LRRTM4: variants seen among roughly 807,000 people sequenced by gnomAD.
LRRTM4 encodes leucine-rich repeat transmembrane neuronal protein 4.
LRRTM4 carries 25 observed loss-of-function variants against 47.6 expected under a neutral mutation model. The observed-to-expected ratio is 0.53, with a 90% CI of 0.38 to 0.73. LRRTM4 has a LOEUF of 0.73. Among genes scored for constraint, LRRTM4 ranks in the 30% least tolerant of loss-of-function variants. The pLI is 0.00. For synonymous variants in LRRTM4, 311 were observed against 269.5 expected, an observed-to-expected ratio of 1.15 and a Z score of -1.51; for missense variants, 638 against 713.4, an observed-to-expected ratio of 0.89 and a Z score of 1.20.
chr2:77,040,855 A>G (rs1321192286), intron 3 of LRRTM4, among the ~76,000 whole-genome samples: 1 of 151,532 alleles, frequency 6.6e-6, no homozygotes, highest in Admixed American at 6.6e-5. Flanking sequence ...TTGTTTTAAT[A>G]TATGTATACA....
intron 3 of LRRTM4, among the ~76,000 whole-genome samples, chr2:77,436,361 T>C (rs1048913535): frequency 1.3e-5 from 2 of 152,066 alleles, no homozygotes; most frequent in African/African-American, 2.4e-5. Context: ...TCATCTGTCT[T>C]TGAATAGCAA....
chr2:76,974,652 T>C (rs72823132), intron 3 of LRRTM4, among the ~76,000 whole-genome samples: 2,924 of 151,758 alleles, frequency 0.019, 74 homozygotes, highest in East Asian at 0.083. Context: ...ACAAAGGATA[T>C]ATTTTTCAGT....
At chr2:77,388,893 A>T (rs972922202) in intron 3 of LRRTM4, among the ~76,000 whole-genome samples, 3 of 152,082 alleles carry the variant, frequency 2.0e-5, no homozygotes, top group African/African-American at 7.2e-5. Context: ...TTCATATATA[A>T]TGCAAGTATT....
At chr2:77,065,317 G>C (rs1393874799) in intron 3 of LRRTM4, among the ~76,000 whole-genome samples, 3 of 152,052 alleles carry the variant, frequency 2.0e-5, no homozygotes, top group African/African-American at 7.2e-5. Context: ...AAGTTATAAA[G>C]ATAAACATAC....
chr2:77,238,715 C>T (rs1407745079), intron 3 of LRRTM4, among the ~76,000 whole-genome samples: 1 of 151,948 alleles, frequency 6.6e-6, no homozygotes, highest in Non-Finnish European at 1.5e-5. Context: ...CAGAAAAACA[C>T]ATATACAGAC....
chr2:76,821,646 T>C (rs774285823), intron 3 of LRRTM4, among the ~76,000 whole-genome samples: 1 of 151,724 alleles, frequency 6.6e-6, no homozygotes, highest in South Asian at 2.1e-4. Context: ...GCATGGAGCA[T>C]TTCCTTTGAC....
chr2:76,986,634 A>G (rs1676808665), intron 3 of LRRTM4, among the ~76,000 whole-genome samples: 1 of 151,956 alleles, frequency 6.6e-6, no homozygotes, highest in Non-Finnish European at 1.5e-5. Context: ...GCCCAGAACT[A>G]ACTGGCACAG....
At chr2:76,934,577 T>C (rs565347774) in intron 3 of LRRTM4, among the ~76,000 whole-genome samples, 28 of 152,132 alleles carry the variant, frequency 1.8e-4, no homozygotes, top group Non-Finnish European at 4.1e-4. Context: ...TCTATAGCAG[T>C]TGTCAATTTG....
chr2:77,033,216 T>G (rs528995971), intron 3 of LRRTM4, among the ~76,000 whole-genome samples: 5 of 152,106 alleles, frequency 3.3e-5, no homozygotes, highest in African/African-American at 1.2e-4. Context: ...AAAACTCATA[T>G]TTTCTAAACA....
intron 3 of LRRTM4, among the ~76,000 whole-genome samples, chr2:77,007,705 A>AT (rs764203873): frequency 1.6e-4 from 25 of 152,294 alleles, no homozygotes; most frequent in African/African-American, 2.9e-4. Flanking sequence ...AAAGGAAGGT[A>AT]TTTATAGTCT....
chr2:77,058,778 A>G (rs1172149709), intron 3 of LRRTM4, among the ~76,000 whole-genome samples: 5 of 152,136 alleles, frequency 3.3e-5, no homozygotes, highest in African/African-American at 1.2e-4. Flanking sequence ...TATATTTGGC[A>G]TATGATTCAA....
At chr2:77,387,098 C>G (rs1452739174) in intron 3 of LRRTM4, among the ~76,000 whole-genome samples, 1 of 152,048 alleles carries the variant, frequency 6.6e-6, no homozygotes, top group Non-Finnish European at 1.5e-5. Context: ...TGTACTTTCC[C>G]TACCTATGCA....
intron 3 of LRRTM4, among the ~76,000 whole-genome samples, chr2:76,764,880 G>C (rs1050053227): frequency 6.6e-6 from 1 of 152,136 alleles, no homozygotes; most frequent in Non-Finnish European, 1.5e-5. Context: ...TAGGTCCAGG[G>C]GAAAAGACTG....
intron 3 of LRRTM4, among the ~76,000 whole-genome samples, chr2:76,982,095 T>C (rs1313698629): frequency 1.3e-5 from 2 of 152,076 alleles, no homozygotes; most frequent in Admixed American, 6.6e-5. Context: ...CCCTAGGCCA[T>C]ACTCTACTAT....
chr2:76,874,003 A>G (rs1672710919), intron 3 of LRRTM4, among the ~76,000 whole-genome samples: 1 of 151,980 alleles, frequency 6.6e-6, no homozygotes, highest in African/African-American at 2.4e-5. Context: ...TTGGAGTCCA[A>G]AAAAAGTTCT....
intron 3 of LRRTM4, among the ~76,000 whole-genome samples, chr2:77,346,889 T>C (rs1257163994): frequency 6.6e-6 from 1 of 152,122 alleles, no homozygotes; most frequent in African/African-American, 2.4e-5. Flanking sequence ...TTTATATTTC[T>C]TTAATATGCA....
chr2:77,317,993 C>T, intron 3 of LRRTM4, among the ~76,000 whole-genome samples: 1 of 148,064 alleles, frequency 6.8e-6, no homozygotes. Context: ...CCTTTAAATT[C>T]CTAACACTTT....
intron 3 of LRRTM4, among the ~76,000 whole-genome samples, chr2:77,410,955 T>C (rs1156268414): frequency 6.6e-6 from 1 of 152,194 alleles, no homozygotes; most frequent in Non-Finnish European, 1.5e-5. Flanking sequence ...GAAGGCACAA[T>C]GTTCAGGTAA....
intron 3 of LRRTM4, among the ~76,000 whole-genome samples, chr2:77,323,613 G>A (rs1003746907): frequency 9.2e-5 from 14 of 152,122 alleles, no homozygotes; most frequent in African/African-American, 3.4e-4. Context: ...GGTTCATTGG[G>A]AGGCAGATAC....
Sources: gnomAD v4.1 joint callset for allele counts (sites outside exome capture counted in the v4.1 genomes callset) on GRCh38, gnomAD v4.1.1 for gene constraint, MANE v1.5 for transcripts, NCBI Gene and HGNC (gene_info 2026-07-23, HGNC 2026-07-21) for gene names.